RNF11: variants seen among roughly 807,000 people sequenced by gnomAD.
RNF11 encodes the protein ring finger protein 11.
In RNF11, 4 loss-of-function variants were observed where a neutral mutation model predicts 15.8. The ratio of observed to expected loss-of-function variants is 0.25; its 90% CI spans 0.12 to 0.58. The LOEUF (loss-of-function observed/expected upper bound fraction) is 0.58. RNF11 is among the 20% of genes least tolerant of loss of function. The pLI, the probability that RNF11 is intolerant of heterozygous loss-of-function variation, is 0.91. For synonymous variants in RNF11, 68 were observed against 72.3 expected, an observed-to-expected ratio of 0.94 and a Z score of 0.30; for missense variants, 139 against 194.4, an observed-to-expected ratio of 0.71 and a Z score of 1.70.
chr1:51,271,111 C>G (rs751822838), intron 2 of RNF11, 40 bp from the exon 3 acceptor site: 15 of 1,574,234 alleles, frequency 9.5e-6, no homozygotes, highest in Non-Finnish European at 1.3e-5. Flanking sequence ...TAGGACACTT[C>G]TGAAAATGCC....
chr1:51,264,287 AATATAT>A (rs1162466435), intron 1 of RNF11, among the ~76,000 whole-genome samples: 121 of 32,520 alleles, frequency 3.7e-3, no homozygotes, highest in Admixed American at 5.3e-3. Context: ...AAAAAAAAAA[AATATAT>A]ATATATATAT....
rs1380537829 is a variant in RNF11, at chr1:51,271,240, A to G, written c.383A>G (p.Asp128Gly). Residue 128 changes from aspartate (D) to glycine (G), a missense_variant, in exon 3 of 3, where the codon GAC becomes GGC. Asp to Gly is a moderately conservative substitution (Grantham distance 94, BLOSUM62 -1). Coordinates refer to ENST00000242719, the MANE Select transcript of RNF11 (RefSeq NM_014372.5). ...MHIYHLDCID[D>G]WLMRSFTCPS... is the part of the protein sequence containing the mutation. ...ATCTATCACCTGGACTGTATAGATGACTGGTTGATGAGATCCTTCACGTGC... is the reference window on the plus strand; with the variant it reads ...ATCTATCACCTGGACTGTATAGATGGCTGGTTGATGAGATCCTTCACGTGC... The G allele has an allele frequency of 8.7e-6, 14 of 1,613,814 alleles. No individual in the cohort carries two copies. The highest frequency in any genetic ancestry group is 1.1e-5 in the Non-Finnish European group (13 of 1,179,858).
chr1:51,254,733 G>A (rs1321358574), intron 1 of RNF11, among the ~76,000 whole-genome samples: 1 of 152,186 alleles, frequency 6.6e-6, no homozygotes. Context: ...AAAATGCTGG[G>A]ATTACAGGTA....
At chr1:51,245,809 G>A (rs1646849151) in intron 1 of RNF11, among the ~76,000 whole-genome samples, 1 of 152,172 alleles carries the variant, frequency 6.6e-6, no homozygotes, top group African/African-American at 2.4e-5. Context: ...CCCTAACTCT[G>A]TACCTGAAGT....
At chr1:51,255,536 C>T (rs1646900564) in intron 1 of RNF11, among the ~76,000 whole-genome samples, 1 of 152,190 alleles carries the variant, frequency 6.6e-6, no homozygotes, top group East Asian at 1.9e-4. Context: ...GGATTACAGG[C>T]GTGGGCGACT....
chr1:51,266,284 GGA>G (rs1406462207), intron 1 of RNF11, among the ~76,000 whole-genome samples: 1 of 152,136 alleles, frequency 6.6e-6, no homozygotes, highest in Non-Finnish European at 1.5e-5. Context: ...ATGGGTAGGT[GGA>G]GTTTTGAAAG....
At position 51,236,816 on chromosome 1, in the gene RNF11, G is replaced by T; in HGVS notation, c.60G>T (p.Gln20His). ...ACATCTCCCTGCTTCACGAGTCTCA[G>T]TCCGACCGGGCTAGCTTTGGCGAGG... ...SDDISLLHESQSDRASFGEGT... is the reference protein window; with the variant it reads ...SDDISLLHESHSDRASFGEGT... The change falls in exon 1 of 3, where the codon CAG becomes CAT. Residue 20 changes from glutamine to histidine, a missense_variant. Coordinates refer to ENST00000242719, the MANE Select transcript of RNF11 (RefSeq NM_014372.5). The T allele has an allele frequency of 6.2e-7, 1 of 1,613,160 alleles. No individual in the cohort carries two copies.
intron 1 of RNF11, among the ~76,000 whole-genome samples, chr1:51,244,720 T>C (rs1646844521): frequency 6.6e-6 from 1 of 152,182 alleles, no homozygotes; most frequent in South Asian, 2.1e-4. Context: ...CTAGGTGACT[T>C]TTATAAATAA....
Position 51,271,186 on chromosome 1 carries a change from A to G in RNF11, c.329A>G (p.Asp110Gly). ...VICMMDFVYG[D>G]PIRFLPCMHI... ...TGTATGATGGACTTTGTTTATGGGG[A>G]CCCAATTCGATTTCTGCCGTGCATG... Residue 110 changes from aspartate to glycine, a missense_variant, in exon 3 of 3, where the codon GAC becomes GGC. Coordinates refer to ENST00000242719, the MANE Select transcript of RNF11 (RefSeq NM_014372.5). 1 of 1,613,950 alleles carries G rather than the reference A, an allele frequency of 6.2e-7. No homozygotes were observed. Among genetic ancestry groups the G allele is most frequent in the Non-Finnish European group, 8.5e-7 (1 of 1,179,938 alleles).
In RNF11 at chr1:51,251,081, G is replaced by T. The variant is rs920048592; in HGVS notation, c.123+14202G>T. 5.2e-4 allele frequency: 802 copies of T among 1,550,532 alleles called. 1 individual carries two copies. The highest frequency in any genetic ancestry group is 6.6e-4 in the Non-Finnish European group (757 of 1,139,688). On this transcript the variant is annotated intron_variant, in intron 1 of 2. Coordinates refer to ENST00000242719, the MANE Select transcript of RNF11 (RefSeq NM_014372.5). Reference sequence around the variant, plus strand: ...TAACACCCAGACCGACGTGGCCATTGTAGTCCCCGATAGCAACAAACGCCT... The same window carrying T: ...TAACACCCAGACCGACGTGGCCATTTTAGTCCCCGATAGCAACAAACGCCT...
Position 51,271,522 on chromosome 1 carries a change from A to T in RNF11, c.*200A>T. The T allele has an allele frequency of 2.0e-6, 1 of 511,574 alleles. No individual in the cohort carries two copies. Among genetic ancestry groups the T allele is most frequent in the Non-Finnish European group, 3.5e-6 (1 of 285,874 alleles). 31.7% of individuals were successfully genotyped at this position (511,574 alleles called of 1,614,324 possible). ...GTGGGAAAAGTAGGATGGTATTTTTATGTAAAGCCTTGACCCAATGTTTAA... is the reference window on the plus strand; with the variant it reads ...GTGGGAAAAGTAGGATGGTATTTTTTTGTAAAGCCTTGACCCAATGTTTAA... On this transcript the variant is annotated 3_prime_UTR_variant, in exon 3 of 3. Transcript: ENST00000242719.
chr1:51,242,121 G>A (rs1646831847), intron 1 of RNF11, among the ~76,000 whole-genome samples: 1 of 152,094 alleles, frequency 6.6e-6, no homozygotes, highest in South Asian at 2.1e-4. Flanking sequence ...GAGAAAATAA[G>A]TTTGTATAGC....
At chr1:51,270,441 C>T (rs903892173) in intron 2 of RNF11, among the ~76,000 whole-genome samples, 2 of 151,898 alleles carry the variant, frequency 1.3e-5, no homozygotes, top group African/African-American at 4.8e-5. Context: ...GGTGAAACCT[C>T]ATCTCTACTG....
In RNF11 at chr1:51,272,868, T is replaced by G. The variant is rs1185252612; in HGVS notation, c.*1546T>G. The G allele has an allele frequency of 6.6e-6, 1 of 152,128 alleles. No homozygotes were observed. The highest frequency in any genetic ancestry group is 2.4e-5 in the African/African-American group (1 of 41,450). 9.4% of individuals were successfully genotyped at this position (152,128 alleles called of 1,614,324 possible). A position where few individuals can be genotyped will look rare whatever the true frequency, so the allele number is the denominator to read the frequency against. ...GTCATGAAGGTTATTCATAATTGCATTATAGAGGAATGTAGTATGTCATAA... is the reference window on the plus strand; with the variant it reads ...GTCATGAAGGTTATTCATAATTGCAGTATAGAGGAATGTAGTATGTCATAA... On this transcript the variant is annotated 3_prime_UTR_variant, in exon 3 of 3. Coordinates refer to ENST00000242719, the MANE Select transcript of RNF11 (RefSeq NM_014372.5).
chr1:51,238,166 G>T (rs1646813428), intron 1 of RNF11, among the ~76,000 whole-genome samples: 1 of 152,120 alleles, frequency 6.6e-6, no homozygotes, highest in Admixed American at 6.5e-5. Flanking sequence ...CTTCGCCCGG[G>T]TCAGCCAGGT....
chr1:51,251,323 C>T, intron 1 of RNF11: 2 of 1,512,512 alleles, frequency 1.3e-6, no homozygotes, highest in Admixed American at 1.8e-5. Flanking sequence ...TCGGCCTTGC[C>T]TCCGCGAGCT....
chr1:51,250,378 A>G (rs1646871356), intron 1 of RNF11, among the ~76,000 whole-genome samples: 1 of 152,214 alleles, frequency 6.6e-6, no homozygotes, highest in African/African-American at 2.4e-5. Flanking sequence ...ATGTTATACA[A>G]CAGATCTCTG....
chr1:51,270,047 A>T lies in RNF11; in HGVS notation c.215A>T (p.Gln72Leu). ...GAAGAGGAACAAATTAGGATAGCTC[A>T]AAGAATAGGTCTTATACAACATCTG... ...LTEEEQIRIA[Q>L]RIGLIQHLPK... Residue 72 changes from glutamine to leucine, a missense_variant, in exon 2 of 3, where the codon CAA becomes CTA. Coordinates refer to ENST00000242719, the MANE Select transcript of RNF11 (RefSeq NM_014372.5). 1 of 1,613,662 alleles carries T rather than the reference A, an allele frequency of 6.2e-7. No individual in the cohort carries two copies. Among genetic ancestry groups the T allele is most frequent in the African/African-American group, 1.3e-5 (1 of 75,040 alleles).
chr1:51,245,773 C>T (rs1173892373), intron 1 of RNF11, among the ~76,000 whole-genome samples: 2 of 152,092 alleles, frequency 1.3e-5, no homozygotes, highest in African/African-American at 4.8e-5. Context: ...TTTAATAACC[C>T]ATATGAGTAC....
Sources: gnomAD v4.1 joint callset for allele counts (sites outside exome capture counted in the v4.1 genomes callset) on GRCh38, gnomAD v4.1.1 for gene constraint, MANE v1.5 for transcripts, NCBI Gene and HGNC (gene_info 2026-07-23, HGNC 2026-07-21) for gene names.